The following XKR4 variants were observed in gnomAD, a reference collection of about 807,000 sequenced individuals.
XKR4 encodes the protein XK related 4.
Under a neutral mutation model 53.9 loss-of-function variants are expected in XKR4, and 12 were observed. The ratio of observed to expected loss-of-function variants is 0.22; its 90% CI spans 0.14 to 0.36. The LOEUF is 0.36. Among genes scored for constraint, XKR4 ranks in the 10% least tolerant of loss-of-function variants. The probability of loss-of-function intolerance (pLI) is 1.00; values close to 1 mark genes in which losing one functional copy is unlikely to be tolerated. For missense variants in XKR4, 799 were observed against 859.5 expected (o/e 0.93, Z 0.88); for synonymous variants, 354 against 362.4 (o/e 0.98, Z 0.26).
At chr8:55,507,980 T>C (rs1806569317) in intron 2 of XKR4, among the ~76,000 whole-genome samples, 1 of 152,152 alleles carries the variant, frequency 6.6e-6, no homozygotes, top group Admixed American at 6.5e-5. Context: ...GTAAAAGTGT[T>C]CCTATTTCTG....
At position 55,317,077 on chromosome 8, in the gene XKR4, G is replaced by GT. The variant is rs1405020098; in HGVS notation, c.807-40595dup. Reference sequence around the variant, plus strand: ...TCTACTACCCTCTAAAATAAGAATTGTTTTTTATGCCAAAGTGTACATAGA... The same window carrying GT: ...TCTACTACCCTCTAAAATAAGAATTGTTTTTTTATGCCAAAGTGTACATAGA... On this transcript the variant is annotated intron_variant, in intron 1 of 2. Transcript: ENST00000327381. Among the ~76,000 whole-genome samples the GT allele has an allele frequency of 2.0e-5, 3 of 152,200 alleles. No homozygotes were observed. The East Asian group carries it at 5.8e-4, about 29-fold the overall frequency.
At position 55,393,334 on chromosome 8, in the gene XKR4, T is replaced by C. The variant is rs1351250634; in HGVS notation, c.1006+35457T>C. On this transcript the variant is annotated intron_variant, in intron 2 of 2. Coordinates refer to ENST00000327381, the MANE Select transcript of XKR4 (RefSeq NM_052898.2). Reference sequence around the variant, plus strand: ...CGTAAAATATGGGATTTCTAAAGGATAATTGGTCTCATTTCTCTTCTGAAG... The same window carrying C: ...CGTAAAATATGGGATTTCTAAAGGACAATTGGTCTCATTTCTCTTCTGAAG... Among the ~76,000 whole-genome samples, 3 of 151,704 alleles carry C rather than the reference T, an allele frequency of 2.0e-5. 1 individual carries two copies.
chr8:55,217,241 CAAAAAA>C (rs35294638), intron 1 of XKR4, among the ~76,000 whole-genome samples: 2 of 106,050 alleles, frequency 1.9e-5, no homozygotes, highest in Admixed American at 2.1e-4. Context: ...GACTCTGTCT[CAAAAAA>C]AAAAAAAAAA....
At chr8:55,416,284 G>T (rs918496272) in intron 2 of XKR4, among the ~76,000 whole-genome samples, 1 of 152,180 alleles carries the variant, frequency 6.6e-6, no homozygotes, top group Admixed American at 6.5e-5. Flanking sequence ...AAGACTGGTT[G>T]TTCTTCATTT....
At chr8:55,132,222 G>A (rs1317444015) in intron 1 of XKR4, among the ~76,000 whole-genome samples, 1 of 152,172 alleles carries the variant, frequency 6.6e-6, no homozygotes, top group Non-Finnish European at 1.5e-5. Context: ...ATGCACTGTT[G>A]TTCCATTTTA....
intron 2 of XKR4, among the ~76,000 whole-genome samples, chr8:55,409,006 C>CAAAAAA (rs36030680): frequency 3.0e-5 from 2 of 65,734 alleles, no homozygotes; most frequent in African/African-American, 8.3e-5. Context: ...GACTCCGTCT[C>CAAAAAA]AAAAAAAAAA....
chr8:55,325,229 C>T (rs1270019487), intron 1 of XKR4, among the ~76,000 whole-genome samples: 1 of 152,070 alleles, frequency 6.6e-6, no homozygotes, highest in African/African-American at 2.4e-5. Context: ...TGTTGCTGTG[C>T]TATAATCAGA....
intron 1 of XKR4, among the ~76,000 whole-genome samples, chr8:55,335,351 TA>T (rs953201720): frequency 1.5e-4 from 23 of 151,772 alleles, no homozygotes; most frequent in African/African-American, 3.6e-4. Context: ...TGCAGCAGTT[TA>T]AAAAAAAATC....
rs866939512 is a variant in XKR4, at chr8:55,489,224, T to A, written c.1007-34057T>A. Among the ~76,000 whole-genome samples the A allele has an allele frequency of 3.6e-4, 55 of 152,322 alleles. No individual in the cohort carries two copies. The Middle Eastern group carries it at 0.014, about 38-fold the overall frequency. On this transcript the variant is annotated intron_variant, in intron 2 of 2. Coordinates refer to ENST00000327381, the MANE Select transcript of XKR4 (RefSeq NM_052898.2). The stretch of plus-strand genomic sequence containing the variant: ...ATGCATCACAATAATTAATGCAAGA[T>A]GTTAATAATAAGGGAAACTGGCAGA...
intron 2 of XKR4, among the ~76,000 whole-genome samples, chr8:55,424,296 T>C (rs1585566544): frequency 6.6e-6 from 1 of 152,302 alleles, no homozygotes; most frequent in East Asian, 1.9e-4. Flanking sequence ...ACAGGCAGGG[T>C]GCCAAGTAGA....
At chr8:55,170,043 TCTC>T (rs1817136074) in intron 1 of XKR4, among the ~76,000 whole-genome samples, 1 of 152,196 alleles carries the variant, frequency 6.6e-6, no homozygotes, top group African/African-American at 2.4e-5. Flanking sequence ...AGGCAATAGT[TCTC>T]CTTCCTGCTT....
chr8:55,269,210 G>A (rs1818653564), intron 1 of XKR4, among the ~76,000 whole-genome samples: 1 of 151,816 alleles, frequency 6.6e-6, no homozygotes, highest in South Asian at 2.1e-4. Flanking sequence ...TAAACTTCCT[G>A]TATTTTGGGC....
At chr8:55,482,402 C>G (rs1041384289) in intron 2 of XKR4, among the ~76,000 whole-genome samples, 13 of 151,496 alleles carry the variant, frequency 8.6e-5, no homozygotes, top group African/African-American at 1.2e-4. Context: ...GTTATGGGGT[C>G]GGGGCATGGG....
intron 1 of XKR4, among the ~76,000 whole-genome samples, chr8:55,211,378 A>T (rs1167391463): frequency 6.6e-6 from 1 of 152,338 alleles, no homozygotes; most frequent in South Asian, 2.1e-4. Flanking sequence ...TAAGTCAAGC[A>T]CTTTGTCAAA....
At chr8:55,263,335 A>G (rs997360224) in intron 1 of XKR4, among the ~76,000 whole-genome samples, 3 of 152,138 alleles carry the variant, frequency 2.0e-5, no homozygotes, top group African/African-American at 7.2e-5. Flanking sequence ...AAGGGCTGTA[A>G]TCTGTGCCCT....
chr8:55,381,167 C>T (rs1804226231), intron 2 of XKR4, among the ~76,000 whole-genome samples: 1 of 152,062 alleles, frequency 6.6e-6, no homozygotes, highest in African/African-American at 2.4e-5. Flanking sequence ...ATTTTCATTT[C>T]AAGATGAAAA....
chr8:55,457,658 T>C (rs1384951237), intron 2 of XKR4, among the ~76,000 whole-genome samples: 1 of 152,146 alleles, frequency 6.6e-6, no homozygotes, highest in Non-Finnish European at 1.5e-5. Context: ...AGACAGAAAC[T>C]AAAGTTCACG....
chr8:55,354,243 G>C (rs1408254458), intron 1 of XKR4, among the ~76,000 whole-genome samples: 1 of 152,190 alleles, frequency 6.6e-6, no homozygotes, highest in Non-Finnish European at 1.5e-5. Flanking sequence ...GAGATATGGA[G>C]GGAGGGTGTT....
At chr8:55,419,464 C>A (rs1427967778) in intron 2 of XKR4, among the ~76,000 whole-genome samples, 1 of 152,188 alleles carries the variant, frequency 6.6e-6, no homozygotes, top group African/African-American at 2.4e-5. Context: ...GTTCTAGACT[C>A]CATGATTCAA....
Sources: allele counts gnomAD v4.1 joint callset (sites outside exome capture counted in the v4.1 genomes callset), GRCh38; gene constraint gnomAD v4.1.1; transcripts MANE v1.5; gene names NCBI Gene and HGNC (gene_info 2026-07-23, HGNC 2026-07-21).